The following PRELID2 variants were observed in gnomAD, a reference collection of about 807,000 sequenced individuals.
The protein encoded by PRELID2 is PRELI domain-containing protein 2.
PRELID2 carries 25 observed loss-of-function variants against 28.4 expected under a neutral mutation model. The ratio of observed to expected loss-of-function variants is 0.88; its 90% CI spans 0.64 to 1.23. The LOEUF is 1.23. PRELID2 is among the 50% of genes most tolerant of loss of function. The probability of loss-of-function intolerance (pLI) is 0.00; values close to 1 mark genes in which losing one functional copy is unlikely to be tolerated. For synonymous variants in PRELID2, 76 were observed against 71.6 expected, an observed-to-expected ratio of 1.06 and a Z score of -0.31; for missense variants, 201 against 214.4, an observed-to-expected ratio of 0.94 and a Z score of 0.39.
chr5:145,435,828 T>C, the PRELID2 span, among the ~76,000 whole-genome samples: 2 of 152,190 alleles, frequency 1.3e-5, no homozygotes, highest in Non-Finnish European at 2.9e-5. Flanking sequence ...GTTTAAAACT[T>C]GTGTCTACCA....
chr5:145,419,340 C>T, the PRELID2 span, among the ~76,000 whole-genome samples: 3 of 125,950 alleles, frequency 2.4e-5, no homozygotes, highest in Admixed American at 1.8e-4. Context: ...GTTTACAGTC[C>T]CACCAACAGT....
chr5:145,673,552 C>T (rs1485411304), intron 1 of PRELID2, among the ~76,000 whole-genome samples: 1 of 151,074 alleles, frequency 6.6e-6, no homozygotes, highest in Admixed American at 6.6e-5. Context: ...GTACACACAC[C>T]CCACATCACA....
At chr5:145,318,990 C>T in the PRELID2 span, among the ~76,000 whole-genome samples, 1 of 152,118 alleles carries the variant, frequency 6.6e-6, no homozygotes, top group African/African-American at 2.4e-5. Flanking sequence ...GTCCCACAGC[C>T]GATCTCCTCT....
chr5:145,342,971 C>T, the PRELID2 span, among the ~76,000 whole-genome samples: 2 of 144,278 alleles, frequency 1.4e-5, no homozygotes, highest in African/African-American at 2.5e-5. Context: ...AAGAATAAAA[C>T]AATTTTTAAT....
At chr5:145,652,947 C>A (rs1307351852) in intron 1 of PRELID2, among the ~76,000 whole-genome samples, 1 of 152,170 alleles carries the variant, frequency 6.6e-6, no homozygotes, top group Non-Finnish European at 1.5e-5. Context: ...TTAAAAGACA[C>A]AGACTGGCAA....
the PRELID2 span, among the ~76,000 whole-genome samples, chr5:145,271,616 G>A: frequency 6.6e-6 from 1 of 152,232 alleles, no homozygotes; most frequent in Non-Finnish European, 1.5e-5. Context: ...ATGAAGAGGT[G>A]TGTATTAAAA....
At chr5:145,246,606 C>A in the PRELID2 span, among the ~76,000 whole-genome samples, 23 of 152,136 alleles carry the variant, frequency 1.5e-4, 1 homozygote, top group East Asian at 4.5e-3. Flanking sequence ...TGATAAAAGC[C>A]TATGCATGAA....
chr5:145,447,496 G>A, the PRELID2 span, among the ~76,000 whole-genome samples: 1 of 122,426 alleles, frequency 8.2e-6, no homozygotes, highest in African/African-American at 3.0e-5. Context: ...TATACTTTAA[G>A]TTTTAGGGTA....
chr5:145,834,204 T>C (rs1181302030), intron 1 of PRELID2, among the ~76,000 whole-genome samples: 1 of 151,964 alleles, frequency 6.6e-6, no homozygotes, highest in Non-Finnish European at 1.5e-5. Context: ...AAAAGAAAAA[T>C]AGCTCAGAGC....
intron 1 of PRELID2, among the ~76,000 whole-genome samples, chr5:145,713,844 T>A (rs1581089108): frequency 6.6e-6 from 1 of 150,906 alleles, no homozygotes; most frequent in Non-Finnish European, 1.5e-5. Flanking sequence ...CAGAAGACAA[T>A]GGAATTACAT....
the PRELID2 span, among the ~76,000 whole-genome samples, chr5:145,413,381 G>A: frequency 2.0e-5 from 3 of 152,094 alleles, no homozygotes; most frequent in African/African-American, 7.2e-5. Context: ...CACTGCTGGT[G>A]GGAATGTAAC....
the PRELID2 span, among the ~76,000 whole-genome samples, chr5:145,236,074 A>G: frequency 1.3e-5 from 2 of 152,116 alleles, no homozygotes; most frequent in East Asian, 3.9e-4. Flanking sequence ...TTCTGTCTTC[A>G]TTGGCATTGA....
chr5:145,660,658 T>C (rs1439206651), intron 1 of PRELID2, among the ~76,000 whole-genome samples: 2 of 152,158 alleles, frequency 1.3e-5, no homozygotes, highest in Non-Finnish European at 1.5e-5. Flanking sequence ...GCATGCATAA[T>C]TTAGTGTTAT....
the PRELID2 span, among the ~76,000 whole-genome samples, chr5:145,451,854 G>C: frequency 6.6e-6 from 1 of 152,050 alleles, no homozygotes; most frequent in African/African-American, 2.4e-5. Flanking sequence ...CTCACTTTAA[G>C]ACTAAAAAAA....
chr5:145,591,361 A>T (rs768952669), intron 1 of PRELID2, among the ~76,000 whole-genome samples: 1 of 152,174 alleles, frequency 6.6e-6, no homozygotes, highest in Middle Eastern at 3.4e-3. Context: ...CACTGGCTTT[A>T]TTTTTTAAGT....
At chr5:145,627,215 C>T (rs1735494353) in intron 1 of PRELID2, among the ~76,000 whole-genome samples, 1 of 139,468 alleles carries the variant, frequency 7.2e-6, no homozygotes, top group South Asian at 2.5e-4. Flanking sequence ...TTTACAACAA[C>T]ATGAATGCAA....
the PRELID2 span, among the ~76,000 whole-genome samples, chr5:145,340,275 C>T: frequency 1.2e-4 from 19 of 152,268 alleles, no homozygotes; most frequent in East Asian, 3.1e-3. Context: ...CAGCTGAAAC[C>T]CATAAGCACC....
At chr5:145,304,578 T>C in the PRELID2 span, among the ~76,000 whole-genome samples, 1 of 152,154 alleles carries the variant, frequency 6.6e-6, no homozygotes, top group Non-Finnish European at 1.5e-5. Flanking sequence ...ATTAATTTGC[T>C]CAATGTCATA....
chr5:145,691,160 T>C (rs1170004618), intron 1 of PRELID2, among the ~76,000 whole-genome samples: 2 of 152,144 alleles, frequency 1.3e-5, no homozygotes, highest in Non-Finnish European at 2.9e-5. Context: ...TGTTTTTAGC[T>C]CAACTCCCCA....
Sources: gnomAD v4.1 joint callset for allele counts (sites outside exome capture counted in the v4.1 genomes callset) on GRCh38, gnomAD v4.1.1 for gene constraint, MANE v1.5 for transcripts, NCBI Gene and HGNC (gene_info 2026-07-23, HGNC 2026-07-21) for gene names.